CD46: variants seen among roughly 807,000 people sequenced by gnomAD.
CD46 encodes the protein membrane cofactor protein.
A neutral mutation model predicts 53.3 loss-of-function variants in CD46; 30 were observed. The observed-to-expected ratio is 0.56, with a 90% CI of 0.42 to 0.76. CD46 has a LOEUF of 0.76. Among genes scored for constraint, CD46 ranks in the 30% least tolerant of loss-of-function variants. The pLI is 0.00. For missense variants in CD46, 409 were observed against 463.0 expected (o/e 0.88, Z 1.07); for synonymous variants, 142 against 152.0 (o/e 0.93, Z 0.48).
intron 8 of CD46, among the ~76,000 whole-genome samples, chr1:207,779,911 G>GTTTTTTTTTTTTTT (rs1163376440): frequency 2.1e-3 from 54 of 25,744 alleles, no homozygotes; most frequent in Middle Eastern, 0.031. Flanking sequence ...GCAAAAGCAA[G>GTTTTTTTTTTTTTT]TCTTTTTTTT....
chr1:207,789,490 C>G (rs1433800894), intron 11 of CD46, among the ~76,000 whole-genome samples: 1 of 152,016 alleles, frequency 6.6e-6, no homozygotes. Flanking sequence ...AATTTTTGAG[C>G]AACTACAAAA....
intron 10 of CD46, 89 bp downstream of exon 10, chr1:207,785,195 T>G: frequency 1.9e-6 from 2 of 1,077,162 alleles, no homozygotes; most frequent in Non-Finnish European, 2.8e-6. Context: ...TTCTATAGTT[T>G]TTTCAGCTTG....
intron 10 of CD46, 132 bp downstream of exon 10, chr1:207,785,238 C>T: frequency 2.7e-6 from 2 of 727,896 alleles, no homozygotes; most frequent in Non-Finnish European, 4.8e-6. Context: ...GAAAACCTGA[C>T]TTTTTATTTG....
chr1:207,754,442 A>G (rs1445842280), intron 1 of CD46, among the ~76,000 whole-genome samples: 2 of 152,118 alleles, frequency 1.3e-5, no homozygotes, highest in African/African-American at 4.8e-5. Flanking sequence ...TTCACTTGTA[A>G]TCACCCTTTT....
At chr1:207,772,683 T>C (rs185498216) in intron 8 of CD46, among the ~76,000 whole-genome samples, 1 of 152,314 alleles carries the variant, frequency 6.6e-6, no homozygotes, top group East Asian at 1.9e-4. Flanking sequence ...GTTAGTTCTG[T>C]TTTTGTGATG....
rs1257394507 is a variant in CD46, at chr1:207,770,349, C to A, written c.930C>A (p.Val310=). ...CTAGGCCTACTTACAAGCCTCCAGT[C>A]TCAAATTATCCAGGTTGGTTAACTC... The part of the protein sequence containing the change: ...SGPRPTYKPP[V]SNYPGYPKPE... Residue 310 remains valine (V), a synonymous_variant, in exon 8 of 13, where the codon GTC becomes GTA. Transcript: ENST00000367042. 6.2e-7 allele frequency: 1 copy of A among 1,604,120 alleles called. No homozygotes were observed.
Position 207,785,624 on chromosome 1 carries a change from G to A in CD46, c.1024G>A (p.Gly342Arg). 6.2e-7 allele frequency: 1 copy of A among 1,606,654 alleles called. No individual in the cohort carries two copies. Among genetic ancestry groups the A allele is most frequent in the Non-Finnish European group, 8.5e-7 (1 of 1,173,502 alleles). ...TGTTTCCTGGTTTCTTATAGTTGTTGGAGTTGCAGTAATTTGTGTTGTCCC... is the reference window on the plus strand; with the variant it reads ...TGTTTCCTGGTTTCTTATAGTTGTTAGAGTTGCAGTAATTTGTGTTGTCCC... Reference protein sequence around the residue: ...IAVIVIAIVVGVAVICVVPYR... With the variant: ...IAVIVIAIVVRVAVICVVPYR... Residue 342 changes from glycine to arginine, a missense_variant, in exon 11 of 13, where the codon GGA (glycine) becomes AGA (arginine). Transcript: ENST00000367042.
chr1:207,785,832 C>A (rs1426141852), intron 11 of CD46, 150 bp downstream of exon 11: 1 of 630,252 alleles, frequency 1.6e-6, no homozygotes, highest in Non-Finnish European at 2.8e-6. Context: ...AATTGCATTT[C>A]TTTGCTAAAA....
intron 5 of CD46, among the ~76,000 whole-genome samples, chr1:207,766,351 C>A (rs1288919517): frequency 6.6e-6 from 1 of 152,036 alleles, no homozygotes; most frequent in Admixed American, 6.6e-5. Flanking sequence ...CAATTAGACA[C>A]AACAAAAGGT....
At chr1:207,753,651 A>G (rs552696300) in intron 1 of CD46, among the ~76,000 whole-genome samples, 2 of 152,276 alleles carry the variant, frequency 1.3e-5, no homozygotes, top group South Asian at 4.1e-4. Flanking sequence ...AGCCTAGATG[A>G]CAGAGTGAGA....
intron 3 of CD46, 101 bp from the exon 4 acceptor site, chr1:207,759,538 T>TAC: frequency 1.4e-6 from 1 of 694,010 alleles, no homozygotes; most frequent in Non-Finnish European, 2.6e-6. Flanking sequence ...CCCCTCAAAC[T>TAC]ACTGTAGTGT....
chr1:207,779,737 G>A (rs189431477), intron 8 of CD46, among the ~76,000 whole-genome samples: 50 of 151,788 alleles, frequency 3.3e-4, no homozygotes, highest in Middle Eastern at 6.8e-3. Context: ...GTTCCACCTC[G>A]CCCCACCCCA....
Position 207,752,385 on chromosome 1 carries a change from G to A in CD46, c.97+76G>A. On this transcript the variant is annotated intron_variant, in intron 1 of 12. Coordinates refer to ENST00000367042, the MANE Select transcript of CD46 (RefSeq NM_172351.3). This position sits in a 1 kb window ranked among gnomAD's most constrained non-coding sequence, Gnocchi z 4.1. ...TCAGTCGGGCAAGAGTCGCGGGGCG[G>A]GGCTCACAGCAGGCCGTGCCTGTTT... is the stretch of plus-strand genomic sequence containing the variant. The A allele has an allele frequency of 3.6e-6, 5 of 1,372,828 alleles. No homozygotes were observed. Among genetic ancestry groups the A allele is most frequent in the South Asian group, 3.5e-5 (3 of 86,248 alleles). 85.0% of individuals were successfully genotyped at this position (1,372,828 alleles called of 1,614,324 possible).
At position 207,757,661 on chromosome 1, in the gene CD46, G is replaced by GA. The variant is rs769007829; in HGVS notation, c.389+22dup. On this transcript the variant is annotated intron_variant, in intron 3 of 12. Transcript: ENST00000367042. ...ATGAGGGGTAAGTTGCTCCTTAGAG[G>GA]AAATAAGGGAAGTGTTAGTAATTTT... The GA allele has an allele frequency of 7.9e-6, 11 of 1,399,012 alleles. No homozygotes were observed. The South Asian group carries it at 1.3e-4, about 16-fold the overall frequency. The allele number at this position is 1,399,012 out of a possible 1,614,324, so 86.7% of individuals were successfully genotyped here.
intron 8 of CD46, among the ~76,000 whole-genome samples, chr1:207,782,464 T>C (rs1658838723): frequency 6.6e-6 from 1 of 152,116 alleles, no homozygotes; most frequent in African/African-American, 2.4e-5. Context: ...CTATGTCAGA[T>C]AGAAGTGGCA....
chr1:207,760,005 C>A (rs2102554296), intron 4 of CD46: 1 of 301,710 alleles, frequency 3.3e-6, no homozygotes, highest in Non-Finnish European at 6.2e-6. Flanking sequence ...CTCAGCCTCT[C>A]CAGTAGCTGG....
Position 207,767,873 on chromosome 1 carries a change from G to C in CD46, c.901+50G>C, listed in dbSNP as rs750083843. Reference sequence around the variant, plus strand: ...TTTTCAAAAATCCTTTAAATTCCTGGTGATTTTTTATAAAATCCTTCAAAT... The same window carrying C: ...TTTTCAAAAATCCTTTAAATTCCTGCTGATTTTTTATAAAATCCTTCAAAT... On this transcript the variant is annotated intron_variant, in intron 7 of 12. Transcript: ENST00000367042. The C allele has an allele frequency of 5.0e-6, 7 of 1,391,476 alleles. No homozygotes were observed. The South Asian group carries it at 8.2e-5, about 16-fold the overall frequency. 86.2% of individuals were successfully genotyped at this position (1,391,476 alleles called of 1,614,324 possible).
chr1:207,761,152 G>A, intron 4 of CD46, 97 bp from the exon 5 acceptor site: 3 of 739,490 alleles, frequency 4.1e-6, no homozygotes, highest in Admixed American at 4.7e-5. Flanking sequence ...ACAGCTTGTA[G>A]AAACCCTATA....
At chr1:207,793,113 T>C (rs1372091666) in intron 12 of CD46, among the ~76,000 whole-genome samples, 1 of 152,260 alleles carries the variant, frequency 6.6e-6, no homozygotes, top group Non-Finnish European at 1.5e-5. Flanking sequence ...GAGGGGTAGA[T>C]GAGGCATCAC....
Sources: gnomAD v4.1 joint callset for allele counts (sites outside exome capture counted in the v4.1 genomes callset) on GRCh38, gnomAD v4.1.1 for gene constraint, Gnocchi (gnomAD v3.1) non-coding constraint, MANE v1.5 for transcripts, NCBI Gene and HGNC (gene_info 2026-07-23, HGNC 2026-07-21) for gene names.